Variants in ZCCHC7 observed in about 807,000 individuals in gnomAD.
ZCCHC7 encodes the protein zinc finger CCHC-type containing 7.
A neutral mutation model predicts 52.0 loss-of-function variants in ZCCHC7; 35 were observed. That is an observed-to-expected ratio of 0.67 (90% CI 0.51 to 0.89). The LOEUF is 0.89. ZCCHC7 is among the 40% of genes least tolerant of loss of function. The pLI is 0.00. For missense variants in ZCCHC7, 574 were observed against 649.1 expected (o/e 0.88, Z 1.26); for synonymous variants, 217 against 221.5 (o/e 0.98, Z 0.18).
chr9:37,240,210 C>T (rs995787937), intron 2 of ZCCHC7, among the ~76,000 whole-genome samples: 4 of 151,942 alleles, frequency 2.6e-5, no homozygotes, highest in Non-Finnish European at 5.9e-5. Context: ...CTTTACTTAC[C>T]TTTCCCATGA....
At chr9:37,136,087 T>C (rs1358391663) in intron 2 of ZCCHC7, among the ~76,000 whole-genome samples, 1 of 152,204 alleles carries the variant, frequency 6.6e-6, no homozygotes, top group Non-Finnish European at 1.5e-5. Flanking sequence ...CTACCTTGCC[T>C]GGCTGATATA....
At chr9:37,254,676 T>A (rs1277952734) in intron 2 of ZCCHC7, among the ~76,000 whole-genome samples, 1 of 152,024 alleles carries the variant, frequency 6.6e-6, no homozygotes, top group East Asian at 1.9e-4. Flanking sequence ...TTAGAGTAAG[T>A]ATGTGAAAGT....
intron 2 of ZCCHC7, among the ~76,000 whole-genome samples, chr9:37,285,734 A>C (rs1382439793): frequency 2.6e-5 from 4 of 152,198 alleles, no homozygotes; most frequent in African/African-American, 9.6e-5. Context: ...ATTTTTTTAA[A>C]TTGGCATATG....
chr9:37,288,166 G>T lies in ZCCHC7; in HGVS notation c.611-14022G>T, dbSNP rs531551009. On this transcript the variant is annotated intron_variant, in intron 2 of 8. Transcript: ENST00000336755. ...ATGGTGGTACACACCTGTGGTCCCA[G>T]CTACTCGGGAGGCTGAGGTGGGAGG... Among the ~76,000 whole-genome samples, 61 of 151,896 alleles carry T rather than the reference G, an allele frequency of 4.0e-4. 1 individual carries two copies. The South Asian group carries it at 0.012, about 31-fold the overall frequency.
At chr9:37,150,780 T>G (rs1287463001) in intron 2 of ZCCHC7, among the ~76,000 whole-genome samples, 2 of 152,130 alleles carry the variant, frequency 1.3e-5, no homozygotes, top group African/African-American at 4.8e-5. Context: ...GAAGTTTGTT[T>G]TATGAGTTTT....
chr9:37,161,099 G>A (rs543971098), intron 2 of ZCCHC7, among the ~76,000 whole-genome samples: 33 of 151,690 alleles, frequency 2.2e-4, no homozygotes, highest in African/African-American at 8.0e-4. Context: ...ACAGGCACAG[G>A]CCACCACAAC....
chr9:37,203,014 C>A (rs187768813), intron 2 of ZCCHC7, among the ~76,000 whole-genome samples: 28 of 152,272 alleles, frequency 1.8e-4, no homozygotes, highest in African/African-American at 6.3e-4. Flanking sequence ...CAAAACAGTT[C>A]TTTGTATAGC....
At chr9:37,211,058 A>G (rs1387139304) in intron 2 of ZCCHC7, among the ~76,000 whole-genome samples, 1 of 152,160 alleles carries the variant, frequency 6.6e-6, no homozygotes, top group East Asian at 1.9e-4. Flanking sequence ...TCATATAGTG[A>G]GTTTTGCTGG....
chr9:37,264,654 C>T (rs1456229397), intron 2 of ZCCHC7, among the ~76,000 whole-genome samples: 2 of 152,210 alleles, frequency 1.3e-5, no homozygotes, highest in Middle Eastern at 3.4e-3. Context: ...TTTTATTTTA[C>T]GAGTTTTCTT....
chr9:37,212,554 A>G (rs1223957887), intron 2 of ZCCHC7, among the ~76,000 whole-genome samples: 1 of 152,076 alleles, frequency 6.6e-6, no homozygotes, highest in Non-Finnish European at 1.5e-5. Context: ...TGAATCATTG[A>G]GATGAACTGA....
chr9:37,261,217 T>C (rs553521831), intron 2 of ZCCHC7, among the ~76,000 whole-genome samples: 1 of 151,900 alleles, frequency 6.6e-6, no homozygotes, highest in Admixed American at 6.7e-5. Flanking sequence ...ATTTTTTTCT[T>C]CTTTAAGACG....
At chr9:37,133,267 A>G (rs1400923393) in intron 2 of ZCCHC7, among the ~76,000 whole-genome samples, 2 of 152,242 alleles carry the variant, frequency 1.3e-5, no homozygotes, top group Non-Finnish European at 2.9e-5. Flanking sequence ...ATACCCATAC[A>G]ATGTAAATAC....
At position 37,305,832 on chromosome 9, in the gene ZCCHC7, G is replaced by T. The variant is rs997181575; in HGVS notation, c.951+118G>T. On this transcript the variant is annotated intron_variant, in intron 5 of 8. Coordinates refer to ENST00000336755, the MANE Select transcript of ZCCHC7 (RefSeq NM_032226.3). ...ACCTAAAGGAATGTTTACTCCGTGA[G>T]ATATATATATATATATATAGTCATG... is the stretch of plus-strand genomic sequence containing the variant. 6.8e-6 allele frequency: 5 copies of T among 735,508 alleles called. No individual in the cohort carries two copies. In the African/African-American group the frequency reaches 7.2e-5, roughly 11 times the overall value. The allele number at this position is 735,508 out of a possible 1,614,324, so 45.6% of individuals were successfully genotyped here. A position where few individuals can be genotyped will look rare whatever the true frequency, so the allele number is the denominator to read the frequency against.
At chr9:37,317,543 C>T (rs1005134409) in intron 5 of ZCCHC7, among the ~76,000 whole-genome samples, 1 of 151,838 alleles carries the variant, frequency 6.6e-6, no homozygotes, top group Non-Finnish European at 1.5e-5. Flanking sequence ...GAGAGTTCAT[C>T]TCAAAAAAAG....
chr9:37,238,536 T>G (rs546173547), intron 2 of ZCCHC7, among the ~76,000 whole-genome samples: 69 of 152,302 alleles, frequency 4.5e-4, no homozygotes, highest in African/African-American at 1.6e-3. Context: ...TAAGTTTTTT[T>G]TGTGTTACCG....
chr9:37,328,342 T>C (rs958640507), intron 6 of ZCCHC7, among the ~76,000 whole-genome samples: 3 of 152,058 alleles, frequency 2.0e-5, no homozygotes, highest in African/African-American at 7.2e-5. Context: ...TGTATAAATA[T>C]CTGCTTAATA....
At chr9:37,249,954 G>A (rs1157207618) in intron 2 of ZCCHC7, among the ~76,000 whole-genome samples, 1 of 152,124 alleles carries the variant, frequency 6.6e-6, no homozygotes, top group Non-Finnish European at 1.5e-5. Flanking sequence ...TGCCTAACTC[G>A]TAGAAAGGCA....
intron 2 of ZCCHC7, among the ~76,000 whole-genome samples, chr9:37,293,453 C>G (rs574564296): frequency 6.6e-6 from 1 of 152,184 alleles, no homozygotes; most frequent in Non-Finnish European, 1.5e-5. Flanking sequence ...TAAATCTTCC[C>G]TAGAAACCTT....
At chr9:37,175,781 TC>T (rs1445327503) in intron 2 of ZCCHC7, among the ~76,000 whole-genome samples, 2 of 152,172 alleles carry the variant, frequency 1.3e-5, no homozygotes, top group East Asian at 3.8e-4. Flanking sequence ...ATTGCCTCAT[TC>T]CCCACAAAAT....
Sources: allele counts gnomAD v4.1 joint callset (sites outside exome capture counted in the v4.1 genomes callset), GRCh38; gene constraint gnomAD v4.1.1; transcripts MANE v1.5; gene names NCBI Gene and HGNC (gene_info 2026-07-23, HGNC 2026-07-21).